The following RAI1 variants were observed in gnomAD, a reference collection of about 807,000 sequenced individuals.
RAI1 encodes the protein retinoic acid-induced protein 1.
In RAI1, 9 loss-of-function variants were observed where a neutral mutation model predicts 123.8. The observed-to-expected ratio is 0.07, with a 90% confidence interval of 0.04 to 0.13. The LOEUF (loss-of-function observed/expected upper bound fraction) is 0.13, where lower values mean the gene tolerates loss of function less well. Ranked by LOEUF, RAI1 falls within the 10% of genes least tolerant of loss-of-function variation. The pLI, the probability that RAI1 is intolerant of heterozygous loss-of-function variation, is 1.00. For missense variants in RAI1, 2,256 were observed against 2,545.8 expected, an observed-to-expected ratio of 0.89 and a Z score of 2.45; for synonymous variants, 1,231 against 1,127.3, an observed-to-expected ratio of 1.09 and a Z score of -1.84.
Position 17,801,669 on chromosome 17 carries a change from A to G in RAI1, c.5566-2087A>G, listed in dbSNP as rs994435170. Reference sequence around the variant, plus strand: ...CCCTGAGCTGAAAACCTGAAATTCTAGAATAAACCCCAGGCCCCACTCCCA... The same window carrying G: ...CCCTGAGCTGAAAACCTGAAATTCTGGAATAAACCCCAGGCCCCACTCCCA... On this transcript the variant is annotated intron_variant, in intron 3 of 5. Coordinates refer to ENST00000353383, the MANE Select transcript of RAI1 (RefSeq NM_030665.4). This position sits in a 1 kb window ranked among gnomAD's most constrained non-coding sequence, Gnocchi z 4.1. Among the ~76,000 whole-genome samples, 1 of 152,166 alleles carries G rather than the reference A, an allele frequency of 6.6e-6. No individual in the cohort carries two copies. The highest frequency in any genetic ancestry group is 1.5e-5 in the Non-Finnish European group (1 of 68,020).
intron 3 of RAI1, chr17:17,802,072 C>T (rs1598097637): frequency 4.2e-6 from 2 of 470,962 alleles, no homozygotes; most frequent in South Asian, 3.1e-5. Flanking sequence ...CGCCTGGTGA[C>T]TTCTCCCTCC....
intron 2 of RAI1, among the ~76,000 whole-genome samples, chr17:17,749,690 T>G (rs937455046): frequency 1.3e-5 from 2 of 152,118 alleles, no homozygotes; most frequent in African/African-American, 4.8e-5. Flanking sequence ...CTCTCCTCCT[T>G]CTCTCTCATA....
chr17:17,809,972 G>T lies in RAI1; in HGVS notation c.5712G>T (p.Arg1904Ser). The T allele has an allele frequency of 3.2e-6, 5 of 1,553,666 alleles. No individual in the cohort carries two copies. The highest frequency in any genetic ancestry group is 4.3e-6 in the Non-Finnish European group (5 of 1,150,386). Residue 1904 changes from arginine (R) to serine (S), a missense_variant and splice_region_variant, in exon 6 of 6, where the codon AGG becomes AGT. Physicochemically the swap from Arg to Ser is moderately radical, Grantham distance 110. Transcript: ENST00000353383. The surrounding 1 kb of genome is among the most constrained non-coding windows in gnomAD (Gnocchi z 4.9). ...TGGCGGGCGGGCGTCTTTTGCAGAG[G>T]CTGCCGTAGTAATCCACCCCAACGG... Reference protein sequence around the residue: ...NFSLKCPKHKRLP With the variant: ...NFSLKCPKHKSLP
chr17:17,710,682 C>T (rs1006502704), intron 1 of RAI1, among the ~76,000 whole-genome samples: 1 of 152,248 alleles, frequency 6.6e-6, no homozygotes, highest in African/African-American at 2.4e-5. Context: ...GCCCCCTCCT[C>T]ATTTCAGAGG....
intron 1 of RAI1, among the ~76,000 whole-genome samples, chr17:17,702,579 G>A (rs1181879583): frequency 6.6e-6 from 1 of 152,214 alleles, no homozygotes; most frequent in Non-Finnish European, 1.5e-5. Context: ...GCGTCAGGTG[G>A]CATCACAGCC....
chr17:17,791,289 C>G (rs2032004700), intron 2 of RAI1, among the ~76,000 whole-genome samples: 1 of 152,180 alleles, frequency 6.6e-6, no homozygotes, highest in African/African-American at 2.4e-5. Context: ...AGATGGAGGC[C>G]CTCTGTCGCC....
rs754390814 is a variant in RAI1 at position 17,801,122 on chromosome 17, C to T, written c.5565+2609C>T. The stretch of plus-strand genomic sequence containing the variant: ...CCAGCTCTCAGGGATACCTTTTTTC[C>T]TCGATGGCCTTTTCTGGGAACTGCC... On this transcript the variant is annotated intron_variant, in intron 3 of 5. Coordinates refer to ENST00000353383, the MANE Select transcript of RAI1 (RefSeq NM_030665.4). The surrounding 1 kb of genome is among the most constrained non-coding windows in gnomAD (Gnocchi z 4.1). Among the ~76,000 whole-genome samples the T allele has an allele frequency of 1.3e-5, 2 of 152,144 alleles. No homozygotes were observed. The highest frequency in any genetic ancestry group is 2.4e-5 in the African/African-American group (1 of 41,426).
Position 17,797,093 on chromosome 17 carries a change from T to A in RAI1, c.4145T>A (p.Leu1382Gln). 1 of 1,613,974 alleles carries A rather than the reference T, an allele frequency of 6.2e-7. No individual in the cohort carries two copies. Among genetic ancestry groups the A allele is most frequent in the Non-Finnish European group, 8.5e-7 (1 of 1,180,030 alleles). ...GGSPVGVEEG[L>Q]VNVGTGQKLP... Reference sequence around the variant, plus strand: ...AGCCCAGTGGGGGTGGAAGAAGGCCTGGTAAATGTGGGCACCGGGCAGAAG... The same window carrying A: ...AGCCCAGTGGGGGTGGAAGAAGGCCAGGTAAATGTGGGCACCGGGCAGAAG... The change falls in exon 3 of 6, where the codon CTG becomes CAG. Residue 1382 changes from leucine to glutamine, a missense_variant. Physicochemically the swap from Leu to Gln is moderately radical, Grantham distance 113. Coordinates refer to ENST00000353383, the MANE Select transcript of RAI1 (RefSeq NM_030665.4).
In RAI1 at chr17:17,800,249, G is replaced by A. The variant is rs890506660; in HGVS notation, c.5565+1736G>A. ...CTCTCATTACTGGCTCCTTCCCAGCGCCTTGAAACAGGTTCAAGTCTCTCC... is the reference window on the plus strand; with the variant it reads ...CTCTCATTACTGGCTCCTTCCCAGCACCTTGAAACAGGTTCAAGTCTCTCC... On this transcript the variant is annotated intron_variant, in intron 3 of 5. Transcript: ENST00000353383. The surrounding 1 kb of genome is among the most constrained non-coding windows in gnomAD (Gnocchi z 4.7). 2.2e-5 allele frequency among the ~76,000 whole-genome samples: 3 copies of A among 136,448 alleles called. No individual in the cohort carries two copies. The highest frequency in any genetic ancestry group is 4.7e-5 in the Non-Finnish European group (3 of 64,266). The allele number at this position is 136,448 out of a possible 152,430, so 89.5% of individuals were successfully genotyped here.
chr17:17,725,634 G>A (rs1381992921), intron 2 of RAI1, among the ~76,000 whole-genome samples: 1 of 152,180 alleles, frequency 6.6e-6, no homozygotes, highest in Non-Finnish European at 1.5e-5. Context: ...GTGGAAGAGC[G>A]AAGGGCTAGC....
rs757813107 is a variant in RAI1, at chr17:17,795,891, G to A, written c.2943G>A (p.Val981=). The A allele has an allele frequency of 1.2e-6, 2 of 1,611,798 alleles. No individual in the cohort carries two copies. Among genetic ancestry groups the A allele is most frequent in the Non-Finnish European group, 1.7e-6 (2 of 1,179,886 alleles). Residue 981 remains valine, a synonymous_variant, in exon 3 of 6, where the codon GTG becomes GTA. Transcript: ENST00000353383. The surrounding 1 kb of genome is among the most constrained non-coding windows in gnomAD (Gnocchi z 5.9). The stretch of plus-strand genomic sequence containing the variant: ...CCCAGAAGCCCAACAAGCCTGCTGT[G>A]CCCGAGGCGCCCATCGCAAAGAAAG... ...SLAQKPNKPA[V]PEAPIAKKEP... is the part of the protein sequence containing the mutation.
rs1914608722 is a variant in RAI1 at position 17,685,853 on chromosome 17, G to A, written c.-149+4060G>A. ...GCCACAGCTGGCACCTCCTTGTTAA[G>A]GTGCAGCCATGTGCATCCTTGCCTC... On this transcript the variant is annotated intron_variant, in intron 1 of 5. Coordinates refer to ENST00000353383, the MANE Select transcript of RAI1 (RefSeq NM_030665.4). This position sits in a 1 kb window ranked among gnomAD's most constrained non-coding sequence, Gnocchi z 4.0. Among the ~76,000 whole-genome samples the A allele has an allele frequency of 6.6e-6, 1 of 152,146 alleles. No homozygotes were observed. The highest frequency in any genetic ancestry group is 1.5e-5 in the Non-Finnish European group (1 of 68,028).
intron 1 of RAI1, among the ~76,000 whole-genome samples, chr17:17,722,922 C>T (rs1231963841): frequency 6.6e-6 from 1 of 152,228 alleles, no homozygotes; most frequent in Non-Finnish European, 1.5e-5. Flanking sequence ...AGCGGCTCTT[C>T]TGCCGCGGTG....
In RAI1 at chr17:17,796,102, C is replaced by A. The variant is rs896890084; in HGVS notation, c.3154C>A (p.Leu1052Ile). ...GAPGRGASEG[L>I]PRMCTRSLTA... ...CCCAGGCCGGGGGGCCTCGGAAGGG[C>A]TCCCCAGGATGTGTACTCGTTCTCT... Residue 1052 changes from leucine (L) to isoleucine (I), a missense_variant, in exon 3 of 6, where the codon CTC becomes ATC. Coordinates refer to ENST00000353383, the MANE Select transcript of RAI1 (RefSeq NM_030665.4). The surrounding 1 kb of genome is among the most constrained non-coding windows in gnomAD (Gnocchi z 5.8). The A allele has an allele frequency of 3.8e-6, 6 of 1,583,788 alleles. No homozygotes were observed. The highest frequency in any genetic ancestry group is 1.7e-4 in the Middle Eastern group (1 of 6,048).
intron 2 of RAI1, among the ~76,000 whole-genome samples, chr17:17,791,242 G>A (rs564886384): frequency 3.9e-5 from 6 of 152,208 alleles, no homozygotes; most frequent in Non-Finnish European, 8.8e-5. Context: ...GCTTCTGGGG[G>A]CCATCTGGCT....
intron 2 of RAI1, among the ~76,000 whole-genome samples, chr17:17,726,999 T>C (rs1041759921): frequency 6.6e-6 from 1 of 152,260 alleles, no homozygotes; most frequent in African/African-American, 2.4e-5. Flanking sequence ...ATTTACTTAA[T>C]ATTCCCCTTT....
intron 1 of RAI1, among the ~76,000 whole-genome samples, chr17:17,687,142 C>G (rs1914669592): frequency 6.6e-6 from 1 of 152,118 alleles, no homozygotes; most frequent in Non-Finnish European, 1.5e-5. Context: ...ACCACCACGC[C>G]CGGCTAGTTG....
chr17:17,718,664 T>G (rs58542418), intron 1 of RAI1, among the ~76,000 whole-genome samples: 2,140 of 152,106 alleles, frequency 0.014, 56 homozygotes, highest in African/African-American at 0.049. Context: ...ACCGGATCCA[T>G]GGGGGCAGGA....
At position 17,795,206 on chromosome 17, in the gene RAI1, A is replaced by T. The variant is rs2032186507; in HGVS notation, c.2258A>T (p.Asp753Val). 1 of 1,613,890 alleles carries T rather than the reference A, an allele frequency of 6.2e-7. No individual in the cohort carries two copies. The highest frequency in any genetic ancestry group is 8.5e-7 in the Non-Finnish European group (1 of 1,179,974). The change falls in exon 3 of 6, where the codon GAT (aspartate) becomes GTT (valine). Residue 753 changes from aspartate to valine, a missense_variant. Coordinates refer to ENST00000353383, the MANE Select transcript of RAI1 (RefSeq NM_030665.4). This position sits in a 1 kb window ranked among gnomAD's most constrained non-coding sequence, Gnocchi z 5.9. ...PFAWPEENLG[D>V]ACPRWGLHPG... Reference sequence around the variant, plus strand: ...GCCTGGCCAGAGGAAAACCTGGGGGATGCTTGTCCCAGGTGGGGATTGCAC... The same window carrying T: ...GCCTGGCCAGAGGAAAACCTGGGGGTTGCTTGTCCCAGGTGGGGATTGCAC...
Sources: gnomAD v4.1 joint callset for allele counts (sites outside exome capture counted in the v4.1 genomes callset) on GRCh38, gnomAD v4.1.1 for gene constraint, Gnocchi (gnomAD v3.1) non-coding constraint, MANE v1.5 for transcripts, NCBI Gene and HGNC (gene_info 2026-07-23, HGNC 2026-07-21) for gene names.